Variants in MYO16 observed in about 807,000 individuals in gnomAD.
MYO16 encodes myosin XVI, also known as unconventional myosin-XVI.
MYO16 carries 94 observed loss-of-function variants against 205.3 expected under a neutral mutation model. That is an observed-to-expected ratio of 0.46 (90% confidence interval 0.39 to 0.54). The LOEUF (loss-of-function observed/expected upper bound fraction) is 0.54, where lower values mean the gene tolerates loss of function less well. Among genes scored for constraint, MYO16 ranks in the 20% least tolerant of loss-of-function variants. The pLI, the probability that MYO16 is intolerant of heterozygous loss-of-function variation, is 0.00. For synonymous variants in MYO16, 988 were observed against 954.0 expected (o/e 1.04, Z -0.66); for missense variants, 2,315 against 2,387.5 (o/e 0.97, Z 0.63).
chr13:108,864,616 C>T (rs566043630), intron 11 of MYO16, among the ~76,000 whole-genome samples: 1 of 152,076 alleles, frequency 6.6e-6, no homozygotes, highest in Non-Finnish European at 1.5e-5. Flanking sequence ...GCAGCCTCAA[C>T]CTTCCAGGAT....
rs767065856 is a variant in MYO16, at chr13:109,164,945, A to G, written c.5209A>G (p.Thr1737Ala). ...CATAAGTAGCCGAGATGACCCTAGT[A>G]CGTCAGAAATTACTTCCGAGACTCA... ...MNISSRDDPS[T>A]SEITSETQDR... Residue 1737 changes from threonine to alanine, a missense_variant, in exon 33 of 35, where the codon ACG becomes GCG. Physicochemically the swap from Thr to Ala is moderately conservative, Grantham distance 58. Transcript: ENST00000457511. 1.2e-6 allele frequency: 2 copies of G among 1,607,720 alleles called. No individual in the cohort carries two copies. The highest frequency in any genetic ancestry group is 1.1e-5 in the South Asian group (1 of 89,918).
intron 2 of MYO16, among the ~76,000 whole-genome samples, chr13:108,698,369 T>C (rs1354590577): frequency 6.6e-6 from 1 of 152,208 alleles, no homozygotes; most frequent in Non-Finnish European, 1.5e-5. Flanking sequence ...GAGATGTGAT[T>C]TCCGTTCCCA....
At chr13:108,850,589 C>A (rs953240925) in intron 10 of MYO16, among the ~76,000 whole-genome samples, 21 of 152,126 alleles carry the variant, frequency 1.4e-4, no homozygotes, top group Middle Eastern at 3.2e-3. Flanking sequence ...ATTGGTGGTG[C>A]CCACTTTTCA....
chr13:109,011,309 A>G (rs1594467244), intron 22 of MYO16, among the ~76,000 whole-genome samples: 1 of 151,982 alleles, frequency 6.6e-6, no homozygotes, highest in South Asian at 2.1e-4. Flanking sequence ...GGCTGTCATT[A>G]TTGCTGAGTA....
chr13:108,500,355 G>A, the MYO16 span, among the ~76,000 whole-genome samples: 1 of 150,608 alleles, frequency 6.6e-6, no homozygotes, highest in African/African-American at 2.4e-5. Context: ...TCAGCCTCCC[G>A]AGTAGCTGCG....
chr13:109,022,330 TATTTATATATTA>T (rs1223934132), intron 23 of MYO16, among the ~76,000 whole-genome samples: 53 of 111,164 alleles, frequency 4.8e-4, no homozygotes, highest in Admixed American at 9.7e-4. Flanking sequence ...TACAAATATA[TATTTATATATTA>T]TATACAAATA....
intron 28 of MYO16, among the ~76,000 whole-genome samples, chr13:109,102,690 A>G (rs1370197646): frequency 6.6e-6 from 1 of 152,160 alleles, no homozygotes; most frequent in Non-Finnish European, 1.5e-5. Context: ...AGTACAGGTC[A>G]AATATGAGAG....
At chr13:108,697,342 C>T (rs1224315860) in intron 2 of MYO16, among the ~76,000 whole-genome samples, 1 of 152,196 alleles carries the variant, frequency 6.6e-6, no homozygotes, top group Non-Finnish European at 1.5e-5. Flanking sequence ...CTTCTGTTTA[C>T]CTTCCACTGT....
intron 29 of MYO16, among the ~76,000 whole-genome samples, chr13:109,122,054 G>A (rs1038370313): frequency 2.6e-5 from 4 of 152,144 alleles, no homozygotes; most frequent in Non-Finnish European, 1.5e-5. Context: ...TGTGTCCCTG[G>A]AACACCAGCG....
intron 23 of MYO16, among the ~76,000 whole-genome samples, chr13:109,022,176 T>G (rs1566465760): frequency 7.3e-6 from 1 of 137,452 alleles, no homozygotes; most frequent in African/African-American, 2.9e-5. Flanking sequence ...CAAATATATA[T>G]TTATATATTA....
At chr13:108,744,543 G>A (rs1885001857) in intron 4 of MYO16, among the ~76,000 whole-genome samples, 1 of 152,224 alleles carries the variant, frequency 6.6e-6, no homozygotes, top group Non-Finnish European at 1.5e-5. Flanking sequence ...TGCTGACCCA[G>A]GTTAGCAGCT....
At chr13:108,898,659 T>A (rs1880559577) in intron 15 of MYO16, among the ~76,000 whole-genome samples, 1 of 152,074 alleles carries the variant, frequency 6.6e-6, no homozygotes, top group Non-Finnish European at 1.5e-5. Flanking sequence ...ATCCATATAG[T>A]TAAATGACTG....
chr13:108,644,352 C>A (rs1594170371), intron 1 of MYO16, among the ~76,000 whole-genome samples: 1 of 123,240 alleles, frequency 8.1e-6, no homozygotes, highest in East Asian at 2.3e-4. Context: ...TACCATCTAT[C>A]TGTCTGTCTG....
the MYO16 span, among the ~76,000 whole-genome samples, chr13:108,576,824 C>T: frequency 0.34 from 51,966 of 151,852 alleles, 10,389 homozygotes; most frequent in Non-Finnish European, 0.44. Flanking sequence ...TGCAGTGGTG[C>T]AATCACGGTT....
At chr13:108,888,727 C>T (rs775457197) in intron 14 of MYO16, among the ~76,000 whole-genome samples, 6 of 152,092 alleles carry the variant, frequency 3.9e-5, no homozygotes, top group Non-Finnish European at 7.4e-5. Context: ...ATCTAAAACA[C>T]GTAATATAGG....
chr13:108,778,896 A>T (rs769088976), intron 4 of MYO16, among the ~76,000 whole-genome samples: 13 of 152,026 alleles, frequency 8.6e-5, no homozygotes, highest in Admixed American at 7.2e-4. Flanking sequence ...TGGTTAAAGG[A>T]CTTGGCCTTG....
Position 109,019,764 on chromosome 13 carries a change from A to C in MYO16, c.2649A>C (p.Ser883=), listed in dbSNP as rs763026825. Residue 883 remains serine (S), a synonymous_variant, in exon 23 of 35, where the codon TCA becomes TCC. Coordinates refer to ENST00000457511, the MANE Select transcript of MYO16 (RefSeq NM_001198950.3). ...ATGAAGAAAGTCAAATGATTTGGTCAGTGGAATCAAATTTTCCAAAAAAAC... is the reference window on the plus strand; with the variant it reads ...ATGAAGAAAGTCAAATGATTTGGTCCGTGGAATCAAATTTTCCAAAAAAAC... ...LLDEESQMIW[S]VESNFPKKLQ... 8.7e-6 allele frequency: 14 copies of C among 1,614,022 alleles called. 1 individual carries two copies. Among genetic ancestry groups the C allele is most frequent in the African/African-American group, 1.3e-5 (1 of 74,932 alleles).
chr13:108,860,512 T>C (rs9521075), intron 11 of MYO16, among the ~76,000 whole-genome samples: 51,022 of 152,042 alleles, frequency 0.34, 8,959 homozygotes, highest in African/African-American at 0.37. Context: ...TTATAATTCT[T>C]TGGGTATATA....
chr13:109,129,573 G>C (rs1173860294), intron 31 of MYO16, among the ~76,000 whole-genome samples: 1 of 152,132 alleles, frequency 6.6e-6, no homozygotes, highest in Non-Finnish European at 1.5e-5. Flanking sequence ...CTCCATGTTA[G>C]ATTTGCGGCC....
Sources: gnomAD v4.1 joint callset for allele counts (sites outside exome capture counted in the v4.1 genomes callset) on GRCh38, gnomAD v4.1.1 for gene constraint, MANE v1.5 for transcripts, NCBI Gene and HGNC (gene_info 2026-07-23, HGNC 2026-07-21) for gene names.